The following AGGF1 variants were observed in gnomAD, a reference collection of about 807,000 sequenced individuals.
The protein encoded by AGGF1 is angiogenic factor with G patch and FHA domains 1.
In AGGF1, 56 loss-of-function variants were observed where a neutral mutation model predicts 86.5. The ratio of observed to expected loss-of-function variants is 0.65; its 90% CI spans 0.52 to 0.81. The LOEUF (loss-of-function observed/expected upper bound fraction) is 0.81. AGGF1 is among the 30% of genes least tolerant of loss of function. The pLI, the probability that AGGF1 is intolerant of heterozygous loss-of-function variation, is 0.00. For missense variants in AGGF1, 816 were observed against 850.9 expected (o/e 0.96, Z 0.51); for synonymous variants, 313 against 297.1 (o/e 1.05, Z -0.55).
At chr5:77,054,731 T>A (rs755335270) in intron 10 of AGGF1, among the ~76,000 whole-genome samples, 113 of 152,308 alleles carry the variant, frequency 7.4e-4, no homozygotes, top group Middle Eastern at 3.4e-3. Flanking sequence ...ATTTAAAAAG[T>A]AATTATGACT....
At position 77,046,493 on chromosome 5, in the gene AGGF1, A is replaced by G. The variant is rs552559013; in HGVS notation, c.1017A>G (p.Gly339=). ...SPPKVTVPTS[G]NTIESPLHEN... Reference sequence around the variant, plus strand: ...CCAAAGTCACTGTTCCAACTAGTGGAAATACTATAGAGTCTCCTCTTCATG... The same window carrying G: ...CCAAAGTCACTGTTCCAACTAGTGGGAATACTATAGAGTCTCCTCTTCATG... The change falls in exon 6 of 14, where the codon GGA becomes GGG. Residue 339 remains glycine, a synonymous_variant. Coordinates refer to ENST00000312916, the MANE Select transcript of AGGF1 (RefSeq NM_018046.5). The G allele has an allele frequency of 1.9e-6, 3 of 1,614,120 alleles. No homozygotes were observed.
rs961334464 is a variant in AGGF1, at chr5:77,046,442, A to T, written c.966A>T (p.Ile322=). ...NFANMKKKAK[I]GIHHKNSPPK... ...CAAATATGAAAAAGAAGGCCAAAAT[A>T]GGCATTCATCACAAAAATAGTCCCC... The change falls in exon 6 of 14, where the codon ATA becomes ATT. Residue 322 remains isoleucine (I), a synonymous_variant. Transcript: ENST00000312916. 5.6e-6 allele frequency: 9 copies of T among 1,613,868 alleles called. No homozygotes were observed. The highest frequency in any genetic ancestry group is 1.7e-5 in the Admixed American group (1 of 60,004).
At chr5:77,054,268 T>C in intron 10 of AGGF1, 138 bp downstream of exon 10, 1 of 1,052,488 alleles carries the variant, frequency 9.5e-7, no homozygotes, top group Non-Finnish European at 1.4e-6. Context: ...TACAAAGCTA[T>C]CAGTCTTGTA....
chr5:77,053,305 G>C (rs1747407034), intron 9 of AGGF1, among the ~76,000 whole-genome samples: 2 of 152,164 alleles, frequency 1.3e-5, no homozygotes, highest in African/African-American at 4.8e-5. Context: ...GATCATCTGA[G>C]GTTAGGAGTT....
intron 5 of AGGF1, among the ~76,000 whole-genome samples, chr5:77,042,595 C>G (rs1180167881): frequency 6.3e-5 from 4 of 63,644 alleles, no homozygotes; most frequent in African/African-American, 1.9e-4. Context: ...GACCCCCCCC[C>G]ACCTCCCTCC....
chr5:77,045,333 C>T (rs1747225135), intron 5 of AGGF1, among the ~76,000 whole-genome samples: 1 of 152,068 alleles, frequency 6.6e-6, no homozygotes, highest in South Asian at 2.1e-4. Context: ...AGTTTCTTAC[C>T]ACAGAAAAAT....
intron 2 of AGGF1, among the ~76,000 whole-genome samples, chr5:77,035,114 T>G (rs1199307325): frequency 6.6e-6 from 1 of 152,190 alleles, no homozygotes; most frequent in East Asian, 1.9e-4. Flanking sequence ...AAAGTCTGCA[T>G]GGGGAGAGAA....
At chr5:77,041,957 C>T (rs921114106) in intron 5 of AGGF1, among the ~76,000 whole-genome samples, 1 of 150,530 alleles carries the variant, frequency 6.6e-6, no homozygotes, top group Non-Finnish European at 1.5e-5. Flanking sequence ...GAGGACCCTG[C>T]GGCCTTCCGC....
intron 5 of AGGF1, among the ~76,000 whole-genome samples, chr5:77,043,725 C>A (rs1454227773): frequency 7.4e-6 from 1 of 134,574 alleles, no homozygotes; most frequent in Non-Finnish European, 1.6e-5. Context: ...CGGGCGGAGA[C>A]GCTCCTCACT....
chr5:77,044,473 A>G (rs1484361819), intron 5 of AGGF1, among the ~76,000 whole-genome samples: 1 of 152,160 alleles, frequency 6.6e-6, no homozygotes, highest in African/African-American at 2.4e-5. Context: ...AGTAGGGGAG[A>G]TAGGAGTAAA....
intron 5 of AGGF1, among the ~76,000 whole-genome samples, chr5:77,044,316 G>A (rs1388697543): frequency 6.6e-6 from 1 of 152,220 alleles, no homozygotes; most frequent in Non-Finnish European, 1.5e-5. Context: ...GAACTTTTAA[G>A]AAAAATCCTG....
intron 1 of AGGF1, 32 bp downstream of exon 1, chr5:77,031,008 C>T (rs1481054239): frequency 6.2e-7 from 1 of 1,609,128 alleles, no homozygotes; most frequent in East Asian, 2.2e-5. Context: ...CGCGCCCCAT[C>T]CAGCCCAGGC....
intron 1 of AGGF1, among the ~76,000 whole-genome samples, chr5:77,032,563 CAAAAAAA>C (rs4025997): frequency 7.6e-4 from 72 of 94,192 alleles, no homozygotes; most frequent in Middle Eastern, 5.4e-3. Context: ...GACTCCGTCT[CAAAAAAA>C]AAAAAAAAAA....
In AGGF1 at chr5:77,046,371, G is replaced by A. The variant is rs1476216457; in HGVS notation, c.895G>A (p.Ala299Thr). The A allele has an allele frequency of 6.2e-7, 1 of 1,613,754 alleles. No individual in the cohort carries two copies. Among genetic ancestry groups the A allele is most frequent in the Non-Finnish European group, 8.5e-7 (1 of 1,179,966 alleles). The change falls in exon 6 of 14, where the codon GCC becomes ACC. Residue 299 changes from alanine (A) to threonine (T), a missense_variant. Ala to Thr is a moderately conservative substitution (Grantham distance 58). This residue lies in a region of AGGF1 where 565 missense variants were observed against 585.8 expected (regional missense o/e 0.96). Transcript: ENST00000312916. ...EKDLNSEDQK[A>T]FSVEHTSCNE... ...GGATTTGAACTCAGAGGATCAAAAA[G>A]CCTTCAGTGTTGAACATACAAGCTG...
In AGGF1 at chr5:77,053,969, A is replaced by G; in HGVS notation, c.1472A>G (p.Lys491Arg). The change falls in exon 10 of 14, where the codon AAA becomes AGA. Residue 491 changes from lysine (K) to arginine (R), a missense_variant. Around this residue, in one of 3 missense-constraint regions of AGGF1, gnomAD observed 565 missense variants for 585.8 expected, o/e 0.96. Coordinates refer to ENST00000312916, the MANE Select transcript of AGGF1 (RefSeq NM_018046.5). The stretch of plus-strand genomic sequence containing the variant: ...TGTAAAATGTTTCCCCTCTAGCCGA[A>G]AACTAAATGTGACCCTTACGTACTT... ...IVNGKQILQPKTKCDPYVLEH... is the reference protein window; with the variant it reads ...IVNGKQILQPRTKCDPYVLEH... The G allele has an allele frequency of 6.2e-7, 1 of 1,614,180 alleles. No individual in the cohort carries two copies. Among genetic ancestry groups the G allele is most frequent in the Non-Finnish European group, 8.5e-7 (1 of 1,180,034 alleles).
intron 8 of AGGF1, among the ~76,000 whole-genome samples, chr5:77,049,315 C>G (rs1266795701): frequency 6.6e-6 from 1 of 152,140 alleles, no homozygotes; most frequent in East Asian, 1.9e-4. Flanking sequence ...TGAATCTTAC[C>G]TGGCTTCTGG....
chr5:77,053,831 G>A (rs1436282397), intron 9 of AGGF1, 134 bp from the exon 10 acceptor site: 1 of 893,122 alleles, frequency 1.1e-6, no homozygotes, highest in Non-Finnish European at 1.7e-6. Flanking sequence ...ATGTGTGTAT[G>A]TGTATGTGTC....
intron 4 of AGGF1, among the ~76,000 whole-genome samples, chr5:77,038,278 A>C (rs1405233560): frequency 1.3e-5 from 2 of 152,208 alleles, no homozygotes; most frequent in East Asian, 3.8e-4. Context: ...GTAGTTATTT[A>C]GTTTCTAGGA....
chr5:77,056,618 C>G (rs1477458507), intron 11 of AGGF1, among the ~76,000 whole-genome samples: 1 of 151,388 alleles, frequency 6.6e-6, no homozygotes, highest in Non-Finnish European at 1.5e-5. Flanking sequence ...TGATCCATAC[C>G]TTGAACCATC....
Sources: gnomAD v4.1 joint callset for allele counts (sites outside exome capture counted in the v4.1 genomes callset) on GRCh38, gnomAD v4.1.1 for gene constraint, gnomAD v4.1.1 regional missense constraint, MANE v1.5 for transcripts, NCBI Gene and HGNC (gene_info 2026-07-23, HGNC 2026-07-21) for gene names.